The following KIAA2012 variants were observed in gnomAD, a reference collection of about 807,000 sequenced individuals.
KIAA2012 encodes the protein uncharacterized protein KIAA2012.
Under a neutral mutation model 150.6 loss-of-function variants are expected in KIAA2012, and 125 were observed. The observed-to-expected ratio is 0.83, with a 90% confidence interval of 0.72 to 0.96. The LOEUF (loss-of-function observed/expected upper bound fraction) is 0.96, where lower values mean the gene tolerates loss of function less well. Among genes scored for constraint, KIAA2012 ranks in the 40% least tolerant of loss-of-function variants. KIAA2012 has a pLI of 0.00. For missense variants in KIAA2012, 1,219 were observed against 1,354.9 expected, an observed-to-expected ratio of 0.90 and a Z score of 1.57; for synonymous variants, 462 against 504.7, an observed-to-expected ratio of 0.92 and a Z score of 1.13.
intron 4 of KIAA2012, among the ~76,000 whole-genome samples, chr2:202,096,327 T>C (rs966380515): frequency 2.6e-5 from 4 of 151,730 alleles, no homozygotes; most frequent in African/African-American, 9.7e-5. Context: ...CTGGGTCACC[T>C]CATATTAATG....
rs183969682 is a variant in KIAA2012, at chr2:202,172,164, C to T, written c.2119+6808C>T. ...ATGAAGCAAGACGTAATGCTAGGTG[C>T]TTTATGTACTTTGAGCTTATTTTAT... On this transcript the variant is annotated intron_variant, in intron 15 of 23. Transcript: ENST00000498697. Among the ~76,000 whole-genome samples, 104 of 152,322 alleles carry T rather than the reference C, an allele frequency of 6.8e-4. 1 individual carries two copies. Among genetic ancestry groups the T allele is most frequent in the Admixed American group, 1.3e-3 (20 of 15,302 alleles).
chr2:202,090,193 A>C (rs1689680836), intron 2 of KIAA2012, among the ~76,000 whole-genome samples: 1 of 152,206 alleles, frequency 6.6e-6, no homozygotes, highest in South Asian at 2.1e-4. Flanking sequence ...ATTCCTAGTC[A>C]ATTGTAAGAT....
At position 202,073,272 on chromosome 2, in the gene KIAA2012, C is replaced by A. The variant is rs187196598; in HGVS notation, c.-356C>A. On this transcript the variant is annotated 5_prime_UTR_variant, in exon 1 of 24. In the 5' UTR this introduces an upstream ATG that the reference lacks. Transcript: ENST00000498697. ...CTCCGCTCAGACAAGAAGGATGGTGCTGTGGCCGAGATCTGTAGATGCACA... is the reference window on the plus strand; with the variant it reads ...CTCCGCTCAGACAAGAAGGATGGTGATGTGGCCGAGATCTGTAGATGCACA... 3.7e-4 allele frequency: 73 copies of A among 195,284 alleles called. No individual in the cohort carries two copies. The highest frequency in any genetic ancestry group is 1.6e-3 in the African/African-American group (69 of 43,578). 12.1% of individuals were successfully genotyped at this position (195,284 alleles called of 1,614,324 possible). A position where few individuals can be genotyped will look rare whatever the true frequency, so the allele number is the denominator to read the frequency against.
At chr2:202,182,748 T>C (rs574246819) in intron 15 of KIAA2012, among the ~76,000 whole-genome samples, 1 of 152,296 alleles carries the variant, frequency 6.6e-6, no homozygotes, top group South Asian at 2.1e-4. Flanking sequence ...TGCCAAATTA[T>C]TTTCCTTAGT....
intron 12 of KIAA2012, among the ~76,000 whole-genome samples, chr2:202,129,499 C>T (rs1311427641): frequency 1.3e-5 from 2 of 152,268 alleles, no homozygotes; most frequent in East Asian, 3.9e-4. Flanking sequence ...GGATTACAGG[C>T]ATGAGCCACC....
In KIAA2012 at chr2:202,154,952, T is replaced by C; in HGVS notation, c.2046+142T>C. On this transcript the variant is annotated intron_variant, in intron 14 of 23. Coordinates refer to ENST00000498697, the MANE Select transcript of KIAA2012 (RefSeq NM_001277372.4). Reference sequence around the variant, plus strand: ...TCAGAAGGGACAGAAAATAGGCAGTTTGTAGCAGATGAAGAAAGAACAAAT... The same window carrying C: ...TCAGAAGGGACAGAAAATAGGCAGTCTGTAGCAGATGAAGAAAGAACAAAT... 4 of 968,586 alleles carry C rather than the reference T, an allele frequency of 4.1e-6. No individual in the cohort carries two copies. The South Asian group carries it at 6.0e-5, about 15-fold the overall frequency. The allele number at this position is 968,586 out of a possible 1,614,324, so 60.0% of individuals were successfully genotyped here.
intron 10 of KIAA2012, 100 bp from the exon 11 acceptor site, chr2:202,113,236 G>A (rs530498639): frequency 1.8e-5 from 15 of 814,814 alleles, no homozygotes; most frequent in East Asian, 1.1e-4. Flanking sequence ...GCATCTACGG[G>A]TGTGTGCCCG....
At chr2:202,122,704 G>C (rs952066932) in intron 11 of KIAA2012, among the ~76,000 whole-genome samples, 1 of 152,026 alleles carries the variant, frequency 6.6e-6, no homozygotes, top group African/African-American at 2.4e-5. Flanking sequence ...GGGTTTCACT[G>C]TGTTGGTCAG....
At chr2:202,116,554 C>T (rs1690532758) in intron 11 of KIAA2012, 1 of 151,458 alleles carries the variant, frequency 6.6e-6, no homozygotes, top group African/African-American at 2.5e-5. Flanking sequence ...AATCCTCCCA[C>T]CTAGGTCTCT....
intron 15 of KIAA2012, among the ~76,000 whole-genome samples, chr2:202,167,268 A>G (rs1559226465): frequency 6.6e-6 from 1 of 152,158 alleles, no homozygotes; most frequent in Non-Finnish European, 1.5e-5. Context: ...TTTATTTCCT[A>G]GGCCAATGGT....
chr2:202,202,867 C>T (rs1456943423), intron 23 of KIAA2012, among the ~76,000 whole-genome samples: 13 of 151,604 alleles, frequency 8.6e-5, no homozygotes, highest in African/African-American at 2.9e-4. Context: ...TTCCAGGCTG[C>T]ACTGAGCTAT....
chr2:202,179,323 GAC>G lies in KIAA2012; in HGVS notation c.2120-5429_2120-5428del, dbSNP rs1692068497. The G allele has an allele frequency of 5.1e-6, 6 of 1,184,810 alleles. No individual in the cohort carries two copies. The African/African-American group carries it at 9.1e-5, about 18-fold the overall frequency. The allele number at this position is 1,184,810 out of a possible 1,614,324, so 73.4% of individuals were successfully genotyped here. On this transcript the variant is annotated intron_variant, in intron 15 of 23. Coordinates refer to ENST00000498697, the MANE Select transcript of KIAA2012 (RefSeq NM_001277372.4). ...GCGGAGCGCGGTACGGCTTTTCGCT[GAC>G]TACATTCAGCCCGTCTGATAAACTT... is the stretch of plus-strand genomic sequence containing the variant.
At chr2:202,199,983 T>A (rs1056345035) in intron 22 of KIAA2012, among the ~76,000 whole-genome samples, 6 of 131,946 alleles carry the variant, frequency 4.5e-5, no homozygotes, top group African/African-American at 1.8e-4. Flanking sequence ...CAGGCTGGAG[T>A]GCAGTGGCGC....
chr2:202,075,624 C>A (rs535742410), intron 2 of KIAA2012, among the ~76,000 whole-genome samples: 1 of 152,290 alleles, frequency 6.6e-6, no homozygotes, highest in Admixed American at 6.5e-5. Flanking sequence ...TCAGCGTCTG[C>A]AGGATAAGTT....
chr2:202,133,275 G>A (rs1277399810), intron 12 of KIAA2012, among the ~76,000 whole-genome samples: 1 of 150,776 alleles, frequency 6.6e-6, no homozygotes, highest in African/African-American at 2.4e-5. Context: ...ATCCTGTGAT[G>A]TTTCTTGATT....
chr2:202,148,455 C>G (rs1261526990), intron 13 of KIAA2012, among the ~76,000 whole-genome samples: 2 of 152,184 alleles, frequency 1.3e-5, no homozygotes, highest in Non-Finnish European at 2.9e-5. Flanking sequence ...TAACTGTCTC[C>G]ACCGTGCCTA....
intron 12 of KIAA2012, among the ~76,000 whole-genome samples, chr2:202,134,856 A>G (rs1691029270): frequency 1.3e-5 from 2 of 152,324 alleles, no homozygotes; most frequent in Non-Finnish European, 2.9e-5. Context: ...CGCCCTGCCG[A>G]CTATGTTTCA....
Position 202,109,624 on chromosome 2 carries a change from C to T in KIAA2012, c.1486C>T (p.Pro496Ser). ...TTTTGTTTTTAAAGATGATGATGCC[C>T]CACCTCACGATGTGGCCCCACCATT... The part of the protein sequence containing the change: ...DTLSPQDDDA[P>S]PHDVAPPLDL... The change falls in exon 10 of 24, where the codon CCA becomes TCA. Residue 496 changes from proline to serine, a missense_variant. Coordinates refer to ENST00000498697, the MANE Select transcript of KIAA2012 (RefSeq NM_001277372.4). The T allele has an allele frequency of 6.5e-7, 1 of 1,532,268 alleles. No individual in the cohort carries two copies. The highest frequency in any genetic ancestry group is 8.8e-7 in the Non-Finnish European group (1 of 1,141,394). The allele number at this position is 1,532,268 out of a possible 1,614,324, so 94.9% of individuals were successfully genotyped here. A position where few individuals can be genotyped will look rare whatever the true frequency, so the allele number is the denominator to read the frequency against.
At chr2:202,154,487 A>C (rs894465227) in intron 13 of KIAA2012, among the ~76,000 whole-genome samples, 186 bp from the exon 14 acceptor site, 1 of 152,226 alleles carries the variant, frequency 6.6e-6, no homozygotes, top group East Asian at 1.9e-4. Flanking sequence ...TTAATTAATA[A>C]ACAGTCTTGG....
Sources: gnomAD v4.1 joint callset for allele counts (sites outside exome capture counted in the v4.1 genomes callset) on GRCh38, gnomAD v4.1.1 for gene constraint, MANE v1.5 for transcripts, NCBI Gene and HGNC (gene_info 2026-07-23, HGNC 2026-07-21) for gene names.